Variants in CAP2 observed in about 807,000 individuals in gnomAD.
CAP2 encodes adenylyl cyclase-associated protein 2.
A neutral mutation model predicts 57.7 loss-of-function variants in CAP2; 24 were observed. The observed-to-expected ratio is 0.42, with a 90% confidence interval of 0.30 to 0.58. The LOEUF (loss-of-function observed/expected upper bound fraction) is 0.58, where lower values mean the gene tolerates loss of function less well. Among genes scored for constraint, CAP2 ranks in the 20% least tolerant of loss-of-function variants. CAP2 has a pLI of 0.22. For missense variants in CAP2, 501 were observed against 590.3 expected (o/e 0.85, Z 1.57); for synonymous variants, 194 against 207.2 (o/e 0.94, Z 0.55).
intron 7 of CAP2, among the ~76,000 whole-genome samples, chr6:17,533,060 C>A: frequency 7.6e-6 from 1 of 130,928 alleles, no homozygotes; most frequent in Non-Finnish European, 1.6e-5. Flanking sequence ...AGCAAAACTC[C>A]ATCTCAACAC....
chr6:17,399,671 A>C (rs1338501279), intron 1 of CAP2, among the ~76,000 whole-genome samples: 2 of 152,280 alleles, frequency 1.3e-5, no homozygotes, highest in African/African-American at 2.4e-5. Flanking sequence ...TAATTCTTAA[A>C]ATTTCACATT....
At chr6:17,482,138 G>T (rs185840993) in intron 4 of CAP2, among the ~76,000 whole-genome samples, 2 of 152,204 alleles carry the variant, frequency 1.3e-5, no homozygotes, top group East Asian at 3.9e-4. Flanking sequence ...CTGTTTTGTA[G>T]GTGTATTCGT....
chr6:17,410,946 T>C (rs1759129204), intron 1 of CAP2, among the ~76,000 whole-genome samples: 1 of 152,218 alleles, frequency 6.6e-6, no homozygotes, highest in Non-Finnish European at 1.5e-5. Context: ...AGTTATAATT[T>C]TATATGCCAT....
At position 17,542,975 on chromosome 6, in the gene CAP2, T is replaced by C. The variant is rs1473779474; in HGVS notation, c.1126+15T>C. On this transcript the variant is annotated intron_variant, in intron 10 of 12. Coordinates refer to ENST00000229922, the MANE Select transcript of CAP2 (RefSeq NM_006366.3). ...CATTATAATTGGTAGGGCAGAATTA[T>C]GGCTCTATGGTTATTATGATGTTTT... 1.1e-5 allele frequency: 18 copies of C among 1,613,412 alleles called. No individual in the cohort carries two copies. Among genetic ancestry groups the C allele is most frequent in the Non-Finnish European group, 1.5e-5 (18 of 1,179,550 alleles).
At chr6:17,436,077 C>CT (rs1318219971) in intron 3 of CAP2, among the ~76,000 whole-genome samples, 1 of 121,828 alleles carries the variant, frequency 8.2e-6, no homozygotes, top group Non-Finnish European at 1.8e-5. Flanking sequence ...ATCTTTCTTT[C>CT]TTTCTTTCTT....
intron 4 of CAP2, among the ~76,000 whole-genome samples, chr6:17,484,191 A>C (rs1406858559): frequency 6.6e-6 from 1 of 152,110 alleles, no homozygotes; most frequent in African/African-American, 2.4e-5. Context: ...GATGGGCTCC[A>C]TTCATTTCCT....
chr6:17,496,186 C>T (rs1173663424), intron 4 of CAP2, among the ~76,000 whole-genome samples: 1 of 152,120 alleles, frequency 6.6e-6, no homozygotes. Flanking sequence ...GAAGCTACCC[C>T]ACAGGCCTCT....
At chr6:17,521,064 G>C (rs1255971487) in intron 7 of CAP2, among the ~76,000 whole-genome samples, 1 of 152,160 alleles carries the variant, frequency 6.6e-6, no homozygotes, top group African/African-American at 2.4e-5. Context: ...GCTCTGGGTG[G>C]CCAGTTACTC....
chr6:17,556,663 C>A lies in CAP2; in HGVS notation c.*221C>A. Reference sequence around the variant, plus strand: ...GCCTTTGTGTGTGATTTTAGTTCCACATGATGACTTGTGAACATTAGGGAT... The same window carrying A: ...GCCTTTGTGTGTGATTTTAGTTCCAAATGATGACTTGTGAACATTAGGGAT... On this transcript the variant is annotated 3_prime_UTR_variant, in exon 13 of 13. Coordinates refer to ENST00000229922, the MANE Select transcript of CAP2 (RefSeq NM_006366.3). 2 of 504,714 alleles carry A rather than the reference C, an allele frequency of 4.0e-6. No individual in the cohort carries two copies. The highest frequency in any genetic ancestry group is 1.9e-5 in the African/African-American group (1 of 52,034). The allele number at this position is 504,714 out of a possible 1,614,324, so 31.3% of individuals were successfully genotyped here.
chr6:17,536,347 G>A (rs564133328), intron 7 of CAP2: 47 of 452,470 alleles, frequency 1.0e-4, no homozygotes, highest in Non-Finnish European at 2.0e-4. Flanking sequence ...GTACGGTAAA[G>A]CACCTGAATG....
intron 4 of CAP2, chr6:17,493,281 C>G (rs1761587489): frequency 4.8e-6 from 1 of 207,626 alleles, no homozygotes. Flanking sequence ...ACTCATATAA[C>G]CCAAATAAGC....
chr6:17,442,971 C>T (rs940578273), intron 3 of CAP2, among the ~76,000 whole-genome samples: 4 of 152,108 alleles, frequency 2.6e-5, no homozygotes, highest in Admixed American at 1.3e-4. Context: ...ACCGCCTCGA[C>T]CTCCCAAAGT....
intron 3 of CAP2, 116 bp downstream of exon 3, chr6:17,426,806 A>G: frequency 1.4e-6 from 1 of 710,876 alleles, no homozygotes; most frequent in Non-Finnish European, 2.5e-6. Flanking sequence ...TACTCTGGCT[A>G]GGCAGATGGT....
intron 7 of CAP2, among the ~76,000 whole-genome samples, chr6:17,518,765 G>A (rs1319524750): frequency 1.3e-5 from 2 of 151,984 alleles, no homozygotes; most frequent in Non-Finnish European, 2.9e-5. Flanking sequence ...AGCCTCCCGA[G>A]CAGCTGGGAC....
At chr6:17,531,155 G>A in intron 7 of CAP2, 1 of 764,432 alleles carries the variant, frequency 1.3e-6, no homozygotes, top group Non-Finnish European at 2.4e-6. Context: ...GCTTCTTACT[G>A]ATTTTGCCAT....
intron 3 of CAP2, among the ~76,000 whole-genome samples, chr6:17,460,947 AG>A (rs1760703514): frequency 6.6e-6 from 1 of 152,176 alleles, no homozygotes. Context: ...CAAGAGTTTG[AG>A]ACCAGCCTGG....
At chr6:17,482,644 G>A (rs533631630) in intron 4 of CAP2, among the ~76,000 whole-genome samples, 4 of 151,532 alleles carry the variant, frequency 2.6e-5, no homozygotes, top group East Asian at 1.9e-4. Flanking sequence ...CTGGTGTTTC[G>A]TGGCTTGTAA....
intron 4 of CAP2, among the ~76,000 whole-genome samples, chr6:17,473,700 T>A (rs758886772): frequency 4.4e-4 from 67 of 152,308 alleles, no homozygotes; most frequent in Non-Finnish European, 8.4e-4. Flanking sequence ...CCAGTCTGGA[T>A]CTGCTGTCAT....
intron 6 of CAP2, among the ~76,000 whole-genome samples, chr6:17,510,619 G>A (rs1166255641): frequency 6.6e-6 from 1 of 152,160 alleles, no homozygotes; most frequent in Admixed American, 6.5e-5. Flanking sequence ...AGAACTGTGC[G>A]GCACGCATGA....
Sources: gnomAD v4.1 joint callset for allele counts (sites outside exome capture counted in the v4.1 genomes callset) on GRCh38, gnomAD v4.1.1 for gene constraint, MANE v1.5 for transcripts, NCBI Gene and HGNC (gene_info 2026-07-23, HGNC 2026-07-21) for gene names.